The following C9orf72 variants were observed in gnomAD, a reference collection of about 807,000 sequenced individuals.
C9orf72 encodes guanine nucleotide exchange factor C9orf72.
In C9orf72, 44 loss-of-function variants were observed where a neutral mutation model predicts 51.6. The ratio of observed to expected loss-of-function variants is 0.85; its 90% CI spans 0.67 to 1.10. The LOEUF is 1.10. C9orf72 is among the 50% of genes least tolerant of loss of function. The pLI, the probability that C9orf72 is intolerant of heterozygous loss-of-function variation, is 0.00. For synonymous variants in C9orf72, 213 were observed against 194.2 expected (o/e 1.10, Z -0.81); for missense variants, 607 against 570.6 (o/e 1.06, Z -0.65).
chr9:27,563,192 A>C (rs1819392010), intron 3 of C9orf72, among the ~76,000 whole-genome samples: 1 of 152,184 alleles, frequency 6.6e-6, no homozygotes, highest in South Asian at 2.1e-4. Context: ...TGCAAATCAA[A>C]ATCAGCACAT....
At chr9:27,562,339 A>G (rs1250428467) in intron 4 of C9orf72, 42 bp downstream of exon 4, 2 of 1,021,736 alleles carry the variant, frequency 2.0e-6, no homozygotes, top group Non-Finnish European at 2.9e-6. Context: ...CTATAACCCC[A>G]AAAAACTCAT....
In C9orf72 at chr9:27,566,732, A is replaced by G. The variant is rs1484801234; in HGVS notation, c.389T>C (p.Val130Ala). ...TATATGTGTTAATCTATCAACACAC[A>G]CTCTATGAAGTGGGAGGTAGAAACT... Reference protein sequence around the residue: ...ELSFYLPLHRVCVDRLTHIIR... With the variant: ...ELSFYLPLHRACVDRLTHIIR... The change falls in exon 2 of 11, where the codon GTG becomes GCG. Residue 130 changes from valine to alanine, a missense_variant. Physicochemically the swap from Val to Ala is moderately conservative, Grantham distance 64. Coordinates refer to ENST00000380003, the MANE Select transcript of C9orf72 (RefSeq NM_018325.5). 8.1e-6 allele frequency: 13 copies of G among 1,613,416 alleles called. No individual in the cohort carries two copies. Among genetic ancestry groups the G allele is most frequent in the Non-Finnish European group, 9.3e-6 (11 of 1,179,690 alleles).
chr9:27,555,507 T>C (rs1820990410), intron 8 of C9orf72, among the ~76,000 whole-genome samples: 1 of 152,036 alleles, frequency 6.6e-6, no homozygotes, highest in Admixed American at 6.6e-5. Flanking sequence ...ACCTGGGTTA[T>C]TACAGTTAAC....
At position 27,567,091 on chromosome 9, in the gene C9orf72, T is replaced by A. The variant is rs1429738484; in HGVS notation, c.30A>T (p.Pro10=). MSTLCPPPS[P]AVAKTEIALS... ...AAGCAATCTCTGTCTTGGCAACAGC[T>A]GGAGATGGCGGTGGGCAAAGAGTCG... is the stretch of plus-strand genomic sequence containing the variant. Residue 10 remains proline, a synonymous_variant, in exon 2 of 11, where the codon CCA becomes CCT. Transcript: ENST00000380003. The A allele has an allele frequency of 1.2e-6, 2 of 1,613,708 alleles. No individual in the cohort carries two copies. The highest frequency in any genetic ancestry group is 1.7e-5 in the Admixed American group (1 of 60,022).
In C9orf72 at chr9:27,567,100, C is replaced by T. The variant is rs370462123; in HGVS notation, c.21G>A (p.Pro7=). The stretch of plus-strand genomic sequence containing the variant: ...CTGTCTTGGCAACAGCTGGAGATGG[C>T]GGTGGGCAAAGAGTCGACATCACTG... MSTLCP[P]PSPAVAKTEI... The change falls in exon 2 of 11, where the codon CCG becomes CCA. Residue 7 remains proline (P), a synonymous_variant. Coordinates refer to ENST00000380003, the MANE Select transcript of C9orf72 (RefSeq NM_018325.5). 2.6e-5 allele frequency: 42 copies of T among 1,613,142 alleles called. No homozygotes were observed. The highest frequency in any genetic ancestry group is 5.3e-5 in the African/African-American group (4 of 74,886).
At chr9:27,560,657 A>C (rs2131538961) in intron 5 of C9orf72, 1 of 1,007,514 alleles carries the variant, frequency 9.9e-7, no homozygotes, top group African/African-American at 1.7e-5. Flanking sequence ...TGAAAGGCTG[A>C]CACTGAACAG....
chr9:27,565,224 A>G (rs547680092), intron 3 of C9orf72, among the ~76,000 whole-genome samples: 1 of 152,074 alleles, frequency 6.6e-6, no homozygotes, highest in East Asian at 1.9e-4. Flanking sequence ...ACCTTAAAGA[A>G]CATATCAGAG....
chr9:27,566,693 C>A lies in C9orf72; in HGVS notation c.428G>T (p.Arg143Ile). 1.2e-6 allele frequency: 2 copies of A among 1,601,072 alleles called. No homozygotes were observed. Among genetic ancestry groups the A allele is most frequent in the African/African-American group, 1.3e-5 (1 of 74,602 alleles). Reference sequence around the variant, plus strand: ...ATCACTTACCTTATGCATCCATATTCTTCCTTTCCGGATTATATGTGTTAA... The same window carrying A: ...ATCACTTACCTTATGCATCCATATTATTCCTTTCCGGATTATATGTGTTAA... Reference protein sequence around the residue: ...DRLTHIIRKGRIWMHKERQEN... With the variant: ...DRLTHIIRKGIIWMHKERQEN... The change falls in exon 2 of 11, where the codon AGA (arginine) becomes ATA (isoleucine). Residue 143 changes from arginine to isoleucine, a missense_variant. By Grantham distance (97) the Arg-to-Ile change is moderately conservative. Coordinates refer to ENST00000380003, the MANE Select transcript of C9orf72 (RefSeq NM_018325.5).
rs565771464 is a variant in C9orf72, at chr9:27,566,862, A to G, written c.259T>C (p.Leu87=). Residue 87 remains leucine, a synonymous_variant, in exon 2 of 11, where the codon TTG becomes CTG. Transcript: ENST00000380003. ...SGAIDVKFFV[L]SEKGVIIVSL... is the part of the protein sequence containing the mutation. ...ACAATAATCACTCCCTTTTCAGACAAGACAAAAAACTTTACATCTATAGCA... is the reference window on the plus strand; with the variant it reads ...ACAATAATCACTCCCTTTTCAGACAGGACAAAAAACTTTACATCTATAGCA... 9 of 1,614,042 alleles carry G rather than the reference A, an allele frequency of 5.6e-6. No homozygotes were observed. Among genetic ancestry groups the G allele is most frequent in the Non-Finnish European group, 7.6e-6 (9 of 1,179,940 alleles).
intron 8 of C9orf72, among the ~76,000 whole-genome samples, chr9:27,555,369 G>A (rs1474130127): frequency 6.6e-6 from 1 of 152,088 alleles, no homozygotes; most frequent in Non-Finnish European, 1.5e-5. Context: ...CCTATTCTAT[G>A]CTTTTGGTTA....
intron 3 of C9orf72, among the ~76,000 whole-genome samples, chr9:27,563,748 T>TA (rs151188646): frequency 3.4e-4 from 51 of 151,752 alleles, no homozygotes; most frequent in East Asian, 3.9e-4. Context: ...AAGTTTTATT[T>TA]AAAAAAAAAC....
Position 27,566,985 on chromosome 9 carries a change from C to T in C9orf72, c.136G>A (p.Ala46Thr), listed in dbSNP as rs778062788. 3.7e-6 allele frequency: 6 copies of T among 1,613,916 alleles called. No individual in the cohort carries two copies. In the South Asian group the frequency reaches 6.6e-5, roughly 18 times the overall value. ...AGAAGTACCTGTTCTGTCTTTGGAG[C>T]CCAAATGTGCCTTACTCTAGGACCA... ...ILGPRVRHIW[A>T]PKTEQVLLSD... Residue 46 changes from alanine to threonine, a missense_variant, in exon 2 of 11, where the codon GCT (alanine) becomes ACT (threonine). Coordinates refer to ENST00000380003, the MANE Select transcript of C9orf72 (RefSeq NM_018325.5).
At chr9:27,556,230 T>C (rs1029519370) in intron 8 of C9orf72, among the ~76,000 whole-genome samples, 3 of 152,150 alleles carry the variant, frequency 2.0e-5, no homozygotes, top group Non-Finnish European at 4.4e-5. Context: ...TAATAGACTA[T>C]ACACAATGTA....
chr9:27,562,354 T>A (rs2589050), intron 4 of C9orf72, 27 bp downstream of exon 4: 3 of 1,188,006 alleles, frequency 2.5e-6, no homozygotes, highest in Admixed American at 2.1e-5. Context: ...ACTCATAAAG[T>A]GTATAATTGC....
chr9:27,569,879 A>G (rs937142853), intron 1 of C9orf72, among the ~76,000 whole-genome samples: 3 of 152,264 alleles, frequency 2.0e-5, no homozygotes, highest in African/African-American at 7.2e-5. Flanking sequence ...ATGACAAAGT[A>G]AACAATTTTA....
chr9:27,550,612 A>C (rs1587299459), intron 9 of C9orf72, 38 bp downstream of exon 9: 2 of 1,291,364 alleles, frequency 1.5e-6, no homozygotes. Context: ...AAAACATGTC[A>C]TATCATTCAC....
At position 27,558,601 on chromosome 9, in the gene C9orf72, T is replaced by C; in HGVS notation, c.745A>G (p.Arg249Gly). 2.6e-6 allele frequency: 4 copies of C among 1,543,544 alleles called. No individual in the cohort carries two copies. Among genetic ancestry groups the C allele is most frequent in the Non-Finnish European group, 3.5e-6 (4 of 1,131,310 alleles). Residue 249 changes from arginine to glycine, a missense_variant, in exon 7 of 11, where the codon AGA (arginine) becomes GGA (glycine). Transcript: ENST00000380003. Reference protein sequence around the residue: ...SSAEKVNKIVRTLCLFLTPAE... With the variant: ...SSAEKVNKIVGTLCLFLTPAE... ...GGAGTCAGAAAAAGGCATAATGTTCTGACTATCTATAAAAGAAAATATTTT... is the reference window on the plus strand; with the variant it reads ...GGAGTCAGAAAAAGGCATAATGTTCCGACTATCTATAAAAGAAAATATTTT...
intron 3 of C9orf72, among the ~76,000 whole-genome samples, chr9:27,564,156 C>CAAAAAA (rs11438223): frequency 4.6e-5 from 4 of 86,716 alleles, no homozygotes; most frequent in Non-Finnish European, 4.5e-5. Context: ...TCAACAACAC[C>CAAAAAA]AAAAAAAAAA....
At chr9:27,566,633 CAACA>C in intron 2 of C9orf72, 40 bp downstream of exon 2, 1 of 1,361,148 alleles carries the variant, frequency 7.3e-7, no homozygotes, top group South Asian at 1.4e-5. Flanking sequence ...AATAAGCTTT[CAACA>C]GATAGGTTAA....
Sources: gnomAD v4.1 joint callset for allele counts (sites outside exome capture counted in the v4.1 genomes callset) on GRCh38, gnomAD v4.1.1 for gene constraint, MANE v1.5 for transcripts, NCBI Gene and HGNC (gene_info 2026-07-23, HGNC 2026-07-21) for gene names.